The following FAM13A variants were observed in gnomAD, a reference collection of about 807,000 sequenced individuals.
The protein encoded by FAM13A is protein FAM13A.
A neutral mutation model predicts 129.6 loss-of-function variants in FAM13A; 76 were observed. The ratio of observed to expected loss-of-function variants is 0.59; its 90% confidence interval spans 0.49 to 0.71. The LOEUF is 0.71. Among genes scored for constraint, FAM13A ranks in the 30% least tolerant of loss-of-function variants. The pLI is 0.00. For missense variants in FAM13A, 1,108 were observed against 1,249.3 expected, an observed-to-expected ratio of 0.89 and a Z score of 1.70; for synonymous variants, 443 against 449.9, an observed-to-expected ratio of 0.98 and a Z score of 0.20.
chr4:89,020,833 T>C (rs1292159331), intron 2 of FAM13A, among the ~76,000 whole-genome samples, 164 bp from the exon 3 acceptor site: 1 of 152,210 alleles, frequency 6.6e-6, no homozygotes, highest in Non-Finnish European at 1.5e-5. Flanking sequence ...TTCCTTAGAA[T>C]AATAAATGTT....
At chr4:88,949,847 C>G (rs971933623) in intron 4 of FAM13A, among the ~76,000 whole-genome samples, 1 of 152,128 alleles carries the variant, frequency 6.6e-6, no homozygotes, top group African/African-American at 2.4e-5. Context: ...ATAAACAGTT[C>G]CACTTGTTAA....
At chr4:88,952,322 A>C (rs1444837780) in intron 4 of FAM13A, among the ~76,000 whole-genome samples, 2 of 152,064 alleles carry the variant, frequency 1.3e-5, no homozygotes, top group African/African-American at 4.8e-5. Flanking sequence ...ACTAAAAATA[A>C]AGAAAAACTT....
chr4:88,905,361 CTTTCT>C (rs1464710461), intron 6 of FAM13A, among the ~76,000 whole-genome samples: 1 of 151,826 alleles, frequency 6.6e-6, no homozygotes, highest in East Asian at 1.9e-4. Context: ...GGTCCTTTTT[CTTTCT>C]TAATAGTGAA....
chr4:88,762,969 T>C (rs1249232450), intron 13 of FAM13A, among the ~76,000 whole-genome samples: 1 of 152,182 alleles, frequency 6.6e-6, no homozygotes, highest in East Asian at 1.9e-4. Flanking sequence ...TGCTGCACTA[T>C]ATGAAAACAC....
intron 1 of FAM13A, among the ~76,000 whole-genome samples, chr4:89,048,012 T>C (rs545414339): frequency 2.6e-5 from 4 of 152,250 alleles, no homozygotes; most frequent in Admixed American, 6.5e-5. Flanking sequence ...ATAGAGAAAC[T>C]AGAACCCTCA....
chr4:89,017,178 T>C (rs142972137), intron 3 of FAM13A, among the ~76,000 whole-genome samples: 96 of 152,316 alleles, frequency 6.3e-4, no homozygotes, highest in African/African-American at 1.9e-3. Flanking sequence ...ATTTATGTCA[T>C]TGATGCTTAA....
intron 8 of FAM13A, among the ~76,000 whole-genome samples, chr4:88,795,900 T>C (rs1239671254): frequency 6.6e-6 from 1 of 151,846 alleles, no homozygotes; most frequent in Non-Finnish European, 1.5e-5. Flanking sequence ...ACCCTTACAG[T>C]AAACTTCAGT....
At position 88,747,806 on chromosome 4, in the gene FAM13A, C is replaced by A. The variant is rs768341035; in HGVS notation, c.2207G>T (p.Arg736Leu). 1.9e-6 allele frequency: 3 copies of A among 1,614,146 alleles called. No individual in the cohort carries two copies. The highest frequency in any genetic ancestry group is 1.7e-5 in the Admixed American group (1 of 60,028). ...ISEEDLTPRM[R>L]QRSNTLPKSF... ...CTTGGGGAGTGTGTTGCTTCGCTGC[C>A]GCATCCTGGGAGTTAGGTCCTCTTC... Residue 736 changes from arginine to leucine, a missense_variant, in exon 18 of 24, where the codon CGG becomes CTG. By Grantham distance (102) the Arg-to-Leu change is moderately radical. Around this residue, in one of 3 missense-constraint regions of FAM13A, gnomAD observed 529 missense variants for 621.2 expected, o/e 0.85. Transcript: ENST00000264344.
chr4:88,750,597 A>C lies in FAM13A; in HGVS notation c.1767T>G (p.Ser589Arg). ...PAFSSWQREN[S>R]DSDEAHLSPQ... The stretch of plus-strand genomic sequence containing the variant: ...GCGAGAGGTGGGCTTCATCAGAGTC[A>C]CTGTTCTCCCGCTGCCAGGAGGAGA... Residue 589 changes from serine to arginine, a missense_variant, in exon 15 of 24, where the codon AGT (serine) becomes AGG (arginine). By Grantham distance (110) the Ser-to-Arg change is moderately radical. This residue lies in a region of FAM13A where 529 missense variants were observed against 621.2 expected (regional missense o/e 0.85). Transcript: ENST00000264344. 6.2e-7 allele frequency: 1 copy of C among 1,614,080 alleles called. No individual in the cohort carries two copies. The highest frequency in any genetic ancestry group is 8.5e-7 in the Non-Finnish European group (1 of 1,180,026).
chr4:88,822,783 A>G (rs559043523), intron 7 of FAM13A, among the ~76,000 whole-genome samples: 36 of 152,328 alleles, frequency 2.4e-4, no homozygotes, highest in Non-Finnish European at 4.6e-4. Context: ...GAAAAAGATA[A>G]GTTGGGCAAA....
At chr4:88,814,356 GAAA>G (rs1730264167) in intron 7 of FAM13A, among the ~76,000 whole-genome samples, 1 of 152,124 alleles carries the variant, frequency 6.6e-6, no homozygotes, top group Admixed American at 6.6e-5. Flanking sequence ...TTTTTTGGGA[GAAA>G]GATAATGCAC....
chr4:89,051,382 C>T (rs1195960241), intron 1 of FAM13A, among the ~76,000 whole-genome samples: 2 of 152,128 alleles, frequency 1.3e-5, no homozygotes, highest in African/African-American at 4.8e-5. Context: ...GACCTAATCG[C>T]CTCCCAAAGT....
chr4:89,043,158 A>C (rs1307924221), intron 1 of FAM13A, among the ~76,000 whole-genome samples: 1 of 152,204 alleles, frequency 6.6e-6, no homozygotes, highest in African/African-American at 2.4e-5. Context: ...CACCTGAAAG[A>C]TAGAGCACAC....
intron 1 of FAM13A, among the ~76,000 whole-genome samples, chr4:89,055,138 C>T (rs1772058678): frequency 1.3e-5 from 2 of 152,266 alleles, no homozygotes; most frequent in South Asian, 4.1e-4. Flanking sequence ...GCTTTCTCTT[C>T]ACTCCTACAC....
intron 7 of FAM13A, chr4:88,822,954 A>C (rs775640693): frequency 6.2e-7 from 1 of 1,611,310 alleles, no homozygotes; most frequent in Admixed American, 1.7e-5. Context: ...TAGCAGAATA[A>C]AATAAAATAG....
chr4:88,856,254 G>T (rs761693800), intron 6 of FAM13A, among the ~76,000 whole-genome samples: 43 of 151,936 alleles, frequency 2.8e-4, no homozygotes, highest in Non-Finnish European at 8.8e-5. Context: ...CCAAGATGGG[G>T]GGATTGCTTG....
In FAM13A at chr4:88,758,626, G is replaced by A; in HGVS notation, c.1726+128C>T. On this transcript the variant is annotated intron_variant, in intron 14 of 23. Coordinates refer to ENST00000264344, the MANE Select transcript of FAM13A (RefSeq NM_014883.4). Reference sequence around the variant, plus strand: ...ACAGGTCAAGGATTTTCGGTCATTTGGAAATGCAGTTACTTCTGCATGCAT... The same window carrying A: ...ACAGGTCAAGGATTTTCGGTCATTTAGAAATGCAGTTACTTCTGCATGCAT... 4.3e-6 allele frequency: 4 copies of A among 929,694 alleles called. No homozygotes were observed. In the South Asian group the frequency reaches 7.5e-5, roughly 17 times the overall value. 57.6% of individuals were successfully genotyped at this position (929,694 alleles called of 1,614,324 possible).
intron 19 of FAM13A, among the ~76,000 whole-genome samples, chr4:88,744,816 G>A (rs984911038): frequency 3.9e-5 from 6 of 152,042 alleles, no homozygotes; most frequent in African/African-American, 1.4e-4. Context: ...CAAATAGAGA[G>A]AGGCAGAGAG....
In FAM13A at chr4:89,003,436, C is replaced by T. The variant is rs559006009; in HGVS notation, c.428-12286G>A. The stretch of plus-strand genomic sequence containing the variant: ...GACAAGCCTGGCCAACATGGGGAAA[C>T]CCTGTCTCTACTAAAAATATAAAAA... On this transcript the variant is annotated intron_variant, in intron 3 of 23. Coordinates refer to ENST00000264344, the MANE Select transcript of FAM13A (RefSeq NM_014883.4). 2.0e-5 allele frequency among the ~76,000 whole-genome samples: 3 copies of T among 152,014 alleles called. No homozygotes were observed. In the East Asian group the frequency reaches 5.8e-4, roughly 29 times the overall value.
Sources: allele counts gnomAD v4.1 joint callset (sites outside exome capture counted in the v4.1 genomes callset), GRCh38; gene constraint gnomAD v4.1.1; regional missense constraint gnomAD v4.1.1; transcripts MANE v1.5; gene names NCBI Gene and HGNC (gene_info 2026-07-23, HGNC 2026-07-21).